The following CTNNA3 variants were observed in gnomAD, a reference collection of about 807,000 sequenced individuals.
The protein encoded by CTNNA3 is catenin alpha-3.
A neutral mutation model predicts 95.7 loss-of-function variants in CTNNA3; 76 were observed. The ratio of observed to expected loss-of-function variants is 0.79; its 90% CI spans 0.66 to 0.96. The LOEUF (loss-of-function observed/expected upper bound fraction) is 0.96. Among genes scored for constraint, CTNNA3 ranks in the 40% least tolerant of loss-of-function variants. The pLI, the probability that CTNNA3 is intolerant of heterozygous loss-of-function variation, is 0.00. For missense variants in CTNNA3, 1,191 were observed against 1,089.8 expected, an observed-to-expected ratio of 1.09 and a Z score of -1.31; for synonymous variants, 431 against 374.4, an observed-to-expected ratio of 1.15 and a Z score of -1.74.
At chr10:66,563,808 C>T (rs908394062) in intron 10 of CTNNA3, among the ~76,000 whole-genome samples, 2 of 152,060 alleles carry the variant, frequency 1.3e-5, no homozygotes, top group Admixed American at 1.3e-4. Flanking sequence ...CAGACTAAGA[C>T]ATAAGTGACT....
At chr10:67,278,457 C>A (rs1839272769) in intron 5 of CTNNA3, among the ~76,000 whole-genome samples, 1 of 151,980 alleles carries the variant, frequency 6.6e-6, no homozygotes, top group African/African-American at 2.4e-5. Context: ...GGCTTCCAGG[C>A]CATAGGTGAA....
intron 5 of CTNNA3, among the ~76,000 whole-genome samples, chr10:67,428,226 A>G (rs1304204392): frequency 6.6e-6 from 1 of 152,118 alleles, no homozygotes; most frequent in Non-Finnish European, 1.5e-5. Flanking sequence ...CATCCTAGGT[A>G]AGTATGATGA....
rs148112502 is a variant in CTNNA3, at chr10:67,219,400, G to A, written c.843+207C>T. On this transcript the variant is annotated intron_variant, in intron 6 of 17. Transcript: ENST00000433211. ...CCACTTCAAATTCATTGGATTCCTT[G>A]GCAGAGATGTACAGGAGTCAGAAGT... Among the ~76,000 whole-genome samples the A allele has an allele frequency of 1.0e-3, 159 of 152,200 alleles. 1 individual carries two copies. Among genetic ancestry groups the A allele is most frequent in the African/African-American group, 3.5e-3 (144 of 41,526 alleles).
At chr10:67,547,508 T>C (rs550475073) in intron 3 of CTNNA3, among the ~76,000 whole-genome samples, 1 of 152,310 alleles carries the variant, frequency 6.6e-6, no homozygotes, top group South Asian at 2.1e-4. Context: ...AAATTTATTC[T>C]TTCATATATC....
intron 5 of CTNNA3, among the ~76,000 whole-genome samples, chr10:67,504,839 G>C (rs10823051): frequency 0.13 from 19,953 of 152,134 alleles, 1,622 homozygotes; most frequent in East Asian, 0.31. Flanking sequence ...ATTCCAAAAA[G>C]ACAGCTTCCT....
intron 7 of CTNNA3, among the ~76,000 whole-genome samples, chr10:66,786,409 C>A (rs10997382): frequency 0.11 from 16,416 of 152,074 alleles, 2,061 homozygotes; most frequent in African/African-American, 0.29. Flanking sequence ...AAGGGGAGAA[C>A]AATAATAAAA....
chr10:66,879,587 C>T (rs1186531772), intron 7 of CTNNA3, among the ~76,000 whole-genome samples: 1 of 151,946 alleles, frequency 6.6e-6, no homozygotes, highest in Non-Finnish European at 1.5e-5. Context: ...CTGCAAGTGA[C>T]CTAGTAGAAG....
chr10:66,145,948 G>A (rs560490882), intron 13 of CTNNA3, among the ~76,000 whole-genome samples: 13 of 152,106 alleles, frequency 8.5e-5, no homozygotes, highest in East Asian at 7.8e-4. Context: ...CTATCTCCCC[G>A]GTTCAAGCGA....
At chr10:67,441,983 TACA>T (rs1288546117) in intron 5 of CTNNA3, among the ~76,000 whole-genome samples, 3 of 152,078 alleles carry the variant, frequency 2.0e-5, no homozygotes, top group African/African-American at 7.2e-5. Context: ...AAATAATTAC[TACA>T]ACAACTATTC....
At chr10:66,338,722 C>A (rs1448680132) in intron 12 of CTNNA3, among the ~76,000 whole-genome samples, 1 of 151,728 alleles carries the variant, frequency 6.6e-6, no homozygotes, top group African/African-American at 2.4e-5. Context: ...TTTCACAGTT[C>A]TAAAAGGAAG....
At chr10:66,442,681 C>A (rs1415413913) in intron 11 of CTNNA3, among the ~76,000 whole-genome samples, 1 of 152,132 alleles carries the variant, frequency 6.6e-6, no homozygotes, top group Non-Finnish European at 1.5e-5. Context: ...TGTGGTGGAG[C>A]CAAGATGGCC....
intron 3 of CTNNA3, among the ~76,000 whole-genome samples, chr10:67,563,157 A>C (rs1841598994): frequency 6.6e-6 from 1 of 152,140 alleles, no homozygotes; most frequent in Non-Finnish European, 1.5e-5. Flanking sequence ...TTCATATGGA[A>C]CCAAAAAAGA....
At chr10:67,291,111 C>T (rs575189865) in intron 5 of CTNNA3, among the ~76,000 whole-genome samples, 1 of 152,264 alleles carries the variant, frequency 6.6e-6, no homozygotes, top group South Asian at 2.1e-4. Flanking sequence ...AAATTGATCC[C>T]TCCAAGTCTC....
At chr10:67,431,023 A>G (rs1846094461) in intron 5 of CTNNA3, among the ~76,000 whole-genome samples, 1 of 151,988 alleles carries the variant, frequency 6.6e-6, no homozygotes, top group Non-Finnish European at 1.5e-5. Flanking sequence ...TCCTTAAGTT[A>G]ACAAAATGGG....
At chr10:66,854,536 AT>A (rs1316993394) in intron 7 of CTNNA3, among the ~76,000 whole-genome samples, 1 of 151,912 alleles carries the variant, frequency 6.6e-6, no homozygotes, top group Non-Finnish European at 1.5e-5. Context: ...CAGATAAGAT[AT>A]TTTGGAAAGT....
At chr10:66,067,877 C>T (rs898300376) in intron 15 of CTNNA3, among the ~76,000 whole-genome samples, 5 of 152,222 alleles carry the variant, frequency 3.3e-5, no homozygotes, top group Admixed American at 6.5e-5. Context: ...GATCGTGCCA[C>T]TGCACTCCAG....
intron 13 of CTNNA3, among the ~76,000 whole-genome samples, chr10:66,279,239 T>C (rs1199883782): frequency 6.6e-6 from 1 of 152,064 alleles, no homozygotes; most frequent in Non-Finnish European, 1.5e-5. Context: ...CTGCTCAGTA[T>C]AGCCAGTGAC....
intron 10 of CTNNA3, among the ~76,000 whole-genome samples, chr10:66,548,162 C>T (rs1482444355): frequency 6.6e-6 from 1 of 152,144 alleles, no homozygotes. Context: ...GGTGATCCGT[C>T]CACCTCGGCC....
At chr10:67,347,491 G>A (rs1842468851) in intron 5 of CTNNA3, among the ~76,000 whole-genome samples, 1 of 152,020 alleles carries the variant, frequency 6.6e-6, no homozygotes, top group Non-Finnish European at 1.5e-5. Flanking sequence ...ACAAATATTT[G>A]CTGAACACCC....
Sources: allele counts gnomAD v4.1 joint callset (sites outside exome capture counted in the v4.1 genomes callset), GRCh38; gene constraint gnomAD v4.1.1; transcripts MANE v1.5; gene names NCBI Gene and HGNC (gene_info 2026-07-23, HGNC 2026-07-21).